CDH9: variants seen among roughly 807,000 people sequenced by gnomAD.
CDH9 encodes cadherin 9.
In CDH9, 28 loss-of-function variants were observed where a neutral mutation model predicts 70.9. The observed-to-expected ratio is 0.40, with a 90% CI of 0.29 to 0.54. The LOEUF is 0.54. CDH9 is among the 20% of genes least tolerant of loss of function. The pLI, the probability that CDH9 is intolerant of heterozygous loss-of-function variation, is 0.59. For missense variants in CDH9, 874 were observed against 984.4 expected, an observed-to-expected ratio of 0.89 and a Z score of 1.50; for synonymous variants, 409 against 343.1, an observed-to-expected ratio of 1.19 and a Z score of -2.12.
At chr5:26,967,599 A>G (rs1742150634) in intron 2 of CDH9, among the ~76,000 whole-genome samples, 1 of 152,220 alleles carries the variant, frequency 6.6e-6, no homozygotes, top group African/African-American at 2.4e-5. Context: ...AAATATAGCA[A>G]TAAGCCACAC....
chr5:27,035,705 TGTGTGG>T (rs1379461983), intron 1 of CDH9, among the ~76,000 whole-genome samples: 8 of 149,472 alleles, frequency 5.4e-5, no homozygotes, highest in African/African-American at 2.0e-4. Context: ...TGTGTGTGTG[TGTGTGG>T]GTGTGTGTGG....
chr5:26,975,883 T>C (rs1440662575), intron 2 of CDH9, among the ~76,000 whole-genome samples: 2 of 152,168 alleles, frequency 1.3e-5, no homozygotes, highest in African/African-American at 4.8e-5. Context: ...GCAATATTAT[T>C]GTGCTGAGGA....
intron 2 of CDH9, among the ~76,000 whole-genome samples, chr5:26,976,331 C>A: frequency 6.6e-6 from 1 of 152,120 alleles, no homozygotes; most frequent in Middle Eastern, 3.2e-3. Context: ...CAGAAGTTGG[C>A]AGAATTTGAG....
chr5:26,896,857 TCA>T (rs1491386120), intron 7 of CDH9, among the ~76,000 whole-genome samples: 1 of 151,562 alleles, frequency 6.6e-6, no homozygotes, highest in Non-Finnish European at 1.5e-5. Context: ...AAAAAAACCC[TCA>T]AAAAAATCAA....
At chr5:26,969,324 A>G (rs994792185) in intron 2 of CDH9, among the ~76,000 whole-genome samples, 5 of 152,288 alleles carry the variant, frequency 3.3e-5, no homozygotes, top group South Asian at 2.1e-4. Flanking sequence ...TCTAGCTAAA[A>G]TGTACTTCAT....
chr5:27,012,668 C>T (rs528787546), intron 1 of CDH9, among the ~76,000 whole-genome samples: 1 of 152,094 alleles, frequency 6.6e-6, no homozygotes, highest in South Asian at 2.1e-4. Context: ...CCCAAAAAAT[C>T]AAACAAGAAA....
intron 2 of CDH9, among the ~76,000 whole-genome samples, chr5:26,979,929 C>G (rs1742370639): frequency 6.6e-6 from 1 of 151,578 alleles, no homozygotes; most frequent in African/African-American, 2.4e-5. Flanking sequence ...TTAAATGGAG[C>G]ATTTAAAACT....
intron 2 of CDH9, among the ~76,000 whole-genome samples, chr5:26,961,521 A>G (rs1742034560): frequency 6.6e-6 from 1 of 152,106 alleles, no homozygotes; most frequent in African/African-American, 2.4e-5. Context: ...AACTCTTTCT[A>G]TGTCTCATTG....
intron 5 of CDH9, among the ~76,000 whole-genome samples, chr5:26,905,131 G>A (rs1740923522): frequency 6.6e-6 from 1 of 152,022 alleles, no homozygotes; most frequent in Non-Finnish European, 1.5e-5. Context: ...ATTGAGATTA[G>A]CGATATGAAT....
intron 9 of CDH9, among the ~76,000 whole-genome samples, chr5:26,889,144 C>T (rs77845672): frequency 0.018 from 2,765 of 152,140 alleles, 82 homozygotes; most frequent in African/African-American, 0.064. Context: ...TAACATCTAC[C>T]TATTTTATCT....
intron 2 of CDH9, among the ~76,000 whole-genome samples, chr5:26,974,831 TGC>T (rs1742278115): frequency 6.6e-6 from 1 of 151,624 alleles, no homozygotes; most frequent in African/African-American, 2.4e-5. Flanking sequence ...TGTGTGTGTG[TGC>T]GTGTGTGTTG....
chr5:26,945,078 C>A (rs980234963), intron 2 of CDH9, among the ~76,000 whole-genome samples: 5 of 151,992 alleles, frequency 3.3e-5, no homozygotes, highest in African/African-American at 1.2e-4. Context: ...CAGAAAATTT[C>A]AGAAATAGAA....
intron 1 of CDH9, among the ~76,000 whole-genome samples, chr5:27,005,151 G>A (rs1376809147): frequency 6.6e-6 from 1 of 152,056 alleles, no homozygotes; most frequent in Non-Finnish European, 1.5e-5. Context: ...TATTAATGGT[G>A]AGAGCAAAAT....
chr5:26,962,930 T>C (rs1742062861), intron 2 of CDH9, among the ~76,000 whole-genome samples: 1 of 152,134 alleles, frequency 6.6e-6, no homozygotes, highest in South Asian at 2.1e-4. Context: ...AAAATTTTCT[T>C]AATAAAAGGA....
intron 2 of CDH9, among the ~76,000 whole-genome samples, chr5:26,952,560 G>A (rs769592380): frequency 8.5e-5 from 12 of 141,284 alleles, no homozygotes; most frequent in Non-Finnish European, 1.7e-4. Context: ...GTATGAACCC[G>A]GGAGGCAGAG....
intron 2 of CDH9, among the ~76,000 whole-genome samples, chr5:26,946,823 T>C (rs990771050): frequency 1.3e-5 from 2 of 152,270 alleles, no homozygotes; most frequent in African/African-American, 2.4e-5. Context: ...AATAAGTAGC[T>C]GTAGGTCAAA....
At chr5:26,924,410 G>T (rs937557627) in intron 2 of CDH9, among the ~76,000 whole-genome samples, 4 of 151,326 alleles carry the variant, frequency 2.6e-5, no homozygotes, top group African/African-American at 9.7e-5. Flanking sequence ...CTAAAAAAGT[G>T]TTCCAACAAA....
intron 1 of CDH9, among the ~76,000 whole-genome samples, chr5:26,989,508 GTCTCTCTC>G (rs150867847): frequency 7.5e-5 from 11 of 146,782 alleles, no homozygotes; most frequent in South Asian, 2.2e-4. Flanking sequence ...TCTCTTCTCT[GTCTCTCTC>G]TCTCTCTCTC....
chr5:26,941,023 A>G (rs906883408), intron 2 of CDH9, among the ~76,000 whole-genome samples: 3 of 152,232 alleles, frequency 2.0e-5, no homozygotes, highest in Non-Finnish European at 4.4e-5. Flanking sequence ...TTTAATAAAT[A>G]ATCACTGAAT....
Sources: allele counts gnomAD v4.1 joint callset (sites outside exome capture counted in the v4.1 genomes callset), GRCh38; gene constraint gnomAD v4.1.1; transcripts MANE v1.5; gene names NCBI Gene and HGNC (gene_info 2026-07-23, HGNC 2026-07-21).